Variants in ABCA2 observed in about 807,000 individuals in gnomAD.
ABCA2 encodes the protein ATP-binding cassette sub-family A member 2.
A neutral mutation model predicts 262.8 loss-of-function variants in ABCA2; 84 were observed. The observed-to-expected ratio is 0.32, with a 90% CI of 0.27 to 0.38. ABCA2 has a LOEUF of 0.38. ABCA2 is among the 10% of genes least tolerant of loss of function. The pLI, the probability that ABCA2 is intolerant of heterozygous loss-of-function variation, is 1.00. For synonymous variants in ABCA2, 1,696 were observed against 1,502.9 expected (o/e 1.13, Z -2.97); for missense variants, 2,662 against 3,405.9 (o/e 0.78, Z 5.44).
intron 1 of ABCA2, among the ~76,000 whole-genome samples, chr9:137,025,225 C>A (rs1831613707): frequency 6.6e-6 from 1 of 152,244 alleles, no homozygotes; most frequent in African/African-American, 2.4e-5. Flanking sequence ...GAAAGAGGTG[C>A]TTTGCTCACT....
rs376671094 is a variant in ABCA2 at position 137,014,897 on chromosome 9, C to A, written c.3882+16G>T. 4.4e-6 allele frequency: 7 copies of A among 1,578,152 alleles called. No individual in the cohort carries two copies. The highest frequency in any genetic ancestry group is 3.5e-5 in the South Asian group (3 of 86,396). On this transcript the variant is annotated intron_variant, in intron 25 of 48. Transcript: ENST00000341511. ...CCACCACCTGCAACTGCCCCCCGAC[C>A]CGTGCGCCCTCACACCTGGAAGAGG...
chr9:137,020,898 C>T lies in ABCA2; in HGVS notation c.1061G>A (p.Gly354Asp), dbSNP rs575117382. ...ALLLPQGACTGRTPGPPASGA... is the reference protein window; with the variant it reads ...ALLLPQGACTDRTPGPPASGA... ...ACTGGCTGGGGGTCCGGGGGTCCGG[C>T]CAGTGCAGGCACCCTGGGGCAGTAG... The change falls in exon 9 of 49, where the codon GGC becomes GAC. Residue 354 changes from glycine to aspartate, a missense_variant. Gly to Asp is a moderately conservative substitution (Grantham distance 94). This residue lies in a region of ABCA2 where 403 missense variants were observed against 375.9 expected (regional missense o/e 1.07). Transcript: ENST00000341511. The T allele has an allele frequency of 3.1e-5, 49 of 1,556,936 alleles. No individual in the cohort carries two copies. The Admixed American group carries it at 7.8e-4, about 25-fold the overall frequency.
At chr9:137,023,450 G>T in intron 3 of ABCA2, 1 of 715,896 alleles carries the variant, frequency 1.4e-6, no homozygotes, top group South Asian at 1.4e-5. Context: ...TGGCCAGCTG[G>T]TTAGCAGAGT....
chr9:137,014,572 C>A, intron 26 of ABCA2, 118 bp downstream of exon 26: 9 of 1,492,060 alleles, frequency 6.0e-6, no homozygotes, highest in Non-Finnish European at 8.1e-6. Flanking sequence ...CGGGGCGTCC[C>A]CTGGCTTCCA....
Position 137,013,471 on chromosome 9 carries a change from G to GGC in ABCA2, c.4538_4539dup (p.Arg1514AlafsTer18). On this transcript the variant is annotated frameshift_variant, in exon 29 of 49. Coordinates refer to ENST00000341511, the MANE Select transcript of ABCA2 (RefSeq NM_001606.5). LOFTEE classifies it high-confidence loss of function. ...CGCTGGAGGCCTCACCGGTACTCGCGGCGCTCCTCGTTGGCGTAGGGGATG... is the reference window on the plus strand; with the variant it reads ...CGCTGGAGGCCTCACCGGTACTCGCGGCGCGCTCCTCGTTGGCGTAGGGGATG... The GGC allele has an allele frequency of 6.2e-7, 1 of 1,606,148 alleles. No individual in the cohort carries two copies. Among genetic ancestry groups the GGC allele is most frequent in the Non-Finnish European group, 8.5e-7 (1 of 1,177,988 alleles).
intron 1 of ABCA2, 80 bp from the exon 2 acceptor site, chr9:137,024,316 C>T: frequency 7.9e-7 from 1 of 1,272,462 alleles, no homozygotes; most frequent in Non-Finnish European, 1.1e-6. Flanking sequence ...AGGGCTGGCC[C>T]AGCCCAGACA....
chr9:137,017,737 C>G, intron 16 of ABCA2, 45 bp from the exon 17 acceptor site: 1 of 1,608,412 alleles, frequency 6.2e-7, no homozygotes, highest in South Asian at 1.1e-5. Flanking sequence ...GGGAGGACGC[C>G]GCCCCTCCCT....
At position 137,022,856 on chromosome 9, in the gene ABCA2, C is replaced by T. The variant is rs1467554876; in HGVS notation, c.285G>A (p.Gln95=). ...CCACGCGGTCCAGGCGCTCAAGCAG[C>T]TGCGTGACCCTGCACCATGGCGGAT... ...FLQYANSTVT[Q]LLERLDRVVE... Residue 95 remains glutamine, a synonymous_variant, in exon 5 of 49, where the codon CAG becomes CAA. Coordinates refer to ENST00000341511, the MANE Select transcript of ABCA2 (RefSeq NM_001606.5). 7.2e-7 allele frequency: 1 copy of T among 1,381,136 alleles called. No homozygotes were observed. Among genetic ancestry groups the T allele is most frequent in the Non-Finnish European group, 9.6e-7 (1 of 1,039,108 alleles). 85.6% of individuals were successfully genotyped at this position (1,381,136 alleles called of 1,614,324 possible).
In ABCA2 at chr9:137,018,825, G is replaced by T. The variant is rs1209496870; in HGVS notation, c.1723-10C>A. 3 of 1,612,480 alleles carry T rather than the reference G, an allele frequency of 1.9e-6. No homozygotes were observed. The African/African-American group carries it at 4.0e-5, about 22-fold the overall frequency. On this transcript the variant is annotated splice_polypyrimidine_tract_variant and intron_variant, in intron 12 of 48. Coordinates refer to ENST00000341511, the MANE Select transcript of ABCA2 (RefSeq NM_001606.5). ...AGATGTCCACGCTCACCTAGCGGGA[G>T]GGGCATCGCTGGAGCCCGCCGTGGG...
At chr9:137,020,562 T>G (rs1199940215) in intron 9 of ABCA2, 67 bp from the exon 10 acceptor site, 2 of 1,543,836 alleles carry the variant, frequency 1.3e-6, no homozygotes, top group East Asian at 2.3e-5. Flanking sequence ...GGGAGGGGCA[T>G]CGGGATGGGG....
chr9:137,022,044 G>A lies in ABCA2; in HGVS notation c.568-43C>T, dbSNP rs559974546. ...ATGGCTCAGATGGGGTGTGGGGGGC[G>A]TGGCTCAGATGGTGGGGGCGTGGCT... On this transcript the variant is annotated intron_variant, in intron 6 of 48. Transcript: ENST00000341511. 150 of 1,392,206 alleles carry A rather than the reference G, an allele frequency of 1.1e-4. 2 individuals are homozygous for A. In the African/African-American group the frequency reaches 1.8e-3, roughly 17 times the overall value. 86.2% of individuals were successfully genotyped at this position (1,392,206 alleles called of 1,614,324 possible).
chr9:137,019,479 G>T lies in ABCA2; in HGVS notation c.1426-173C>A. ...TCTCAGTCACCCACGCTGGAGTGCA[G>T]TGGTGCAGTCCCAGCTCACTGCAGC... On this transcript the variant is annotated intron_variant, in intron 10 of 48. Transcript: ENST00000341511. This position sits in a 1 kb window ranked among gnomAD's most constrained non-coding sequence, Gnocchi z 4.4. 1 of 708,466 alleles carries T rather than the reference G, an allele frequency of 1.4e-6. No individual in the cohort carries two copies. The highest frequency in any genetic ancestry group is 2.2e-6 in the Non-Finnish European group (1 of 444,776). 43.9% of individuals were successfully genotyped at this position (708,466 alleles called of 1,614,324 possible). A position where few individuals can be genotyped will look rare whatever the true frequency, so the allele number is the denominator to read the frequency against.
rs1173217639 is a variant in ABCA2 at position 137,017,879 on chromosome 9, T to C, written c.2119A>G (p.Met707Val). The stretch of plus-strand genomic sequence containing the variant: ...GAGATCACCATGCACAGCGGCATCA[T>C]GTGCTCAATGACAAACAGGAAGCTG... Reference protein sequence around the residue: ...RDDFLFVIEHMMPLCMVISWV... With the variant: ...RDDFLFVIEHVMPLCMVISWV... The change falls in exon 16 of 49, where the codon ATG becomes GTG. Residue 707 changes from methionine to valine, a missense_variant. Physicochemically the swap from Met to Val is conservative, Grantham distance 21. Coordinates refer to ENST00000341511, the MANE Select transcript of ABCA2 (RefSeq NM_001606.5). The C allele has an allele frequency of 1.9e-6, 3 of 1,612,592 alleles. No homozygotes were observed. Among genetic ancestry groups the C allele is most frequent in the Admixed American group, 1.7e-5 (1 of 60,018 alleles).
At chr9:137,028,260 C>T (rs1165661911), upstream of ABCA2, 9 of 978,410 alleles carry the variant, frequency 9.2e-6, no homozygotes, top group Non-Finnish European at 9.7e-6. The surrounding 1 kb of genome is among the most constrained non-coding windows in gnomAD (Gnocchi z 6.9). Flanking sequence ...CTCGGGCGTC[C>T]GGGACCCGAT....
intron 15 of ABCA2, 36 bp from the exon 16 acceptor site, chr9:137,017,937 C>T: frequency 6.2e-7 from 1 of 1,611,892 alleles, no homozygotes; most frequent in Non-Finnish European, 8.5e-7. Flanking sequence ...CACTCAGCCC[C>T]AGCCCCAGCC....
rs1831438867 is a variant in ABCA2 at position 137,021,078 on chromosome 9, A to C, written c.898-17T>G. 1.4e-6 allele frequency: 2 copies of C among 1,469,728 alleles called. No individual in the cohort carries two copies. The highest frequency in any genetic ancestry group is 1.8e-6 in the Non-Finnish European group (2 of 1,110,046). The allele number at this position is 1,469,728 out of a possible 1,614,324, so 91.0% of individuals were successfully genotyped here. A position where few individuals can be genotyped will look rare whatever the true frequency, so the allele number is the denominator to read the frequency against. ...CAGGCCCAGCTGAGGGGAAACAGGC[A>C]CGTGGGCAGTGCGGGGTGAGATGGA... On this transcript the variant is annotated splice_polypyrimidine_tract_variant and intron_variant, in intron 8 of 48. Coordinates refer to ENST00000341511, the MANE Select transcript of ABCA2 (RefSeq NM_001606.5). The surrounding 1 kb of genome is among the most constrained non-coding windows in gnomAD (Gnocchi z 6.0).
At chr9:137,024,048 G>A (rs1831569033) in intron 2 of ABCA2, 95 bp downstream of exon 2, 1 of 1,515,718 alleles carries the variant, frequency 6.6e-7, no homozygotes. Flanking sequence ...GGGACTCCGG[G>A]AGCAGGACAC....
Position 137,023,847 on chromosome 9 carries a change from G to T in ABCA2, c.161-7C>A, listed in dbSNP as rs1327701524. 1 of 829,638 alleles carries T rather than the reference G, an allele frequency of 1.2e-6. No individual in the cohort carries two copies. The highest frequency in any genetic ancestry group is 1.7e-5 in the African/African-American group (1 of 60,370). The allele number at this position is 829,638 out of a possible 1,614,324, so 51.4% of individuals were successfully genotyped here. On this transcript the variant is annotated splice_polypyrimidine_tract_variant and splice_region_variant and intron_variant, in intron 2 of 48. Coordinates refer to ENST00000341511, the MANE Select transcript of ABCA2 (RefSeq NM_001606.5). ...GTGGCCGCTCACTTACAGACTGCATGCCAGCCGAGGACAAGAGACCATGCG... is the reference window on the plus strand; with the variant it reads ...GTGGCCGCTCACTTACAGACTGCATTCCAGCCGAGGACAAGAGACCATGCG...
rs1564226029 is a variant in ABCA2 at position 137,019,246 on chromosome 9, T to A, written c.1486A>T (p.Ile496Phe). 1 of 1,612,476 alleles carries A rather than the reference T, an allele frequency of 6.2e-7. No homozygotes were observed. The highest frequency in any genetic ancestry group is 8.5e-7 in the Non-Finnish European group (1 of 1,179,862). The change falls in exon 11 of 49, where the codon ATC (isoleucine) becomes TTC (phenylalanine). Residue 496 changes from isoleucine (I) to phenylalanine (F), a missense_variant. Around this residue, in one of 12 missense-constraint regions of ABCA2, gnomAD observed 92 missense variants for 146.7 expected, o/e 0.63. Coordinates refer to ENST00000341511, the MANE Select transcript of ABCA2 (RefSeq NM_001606.5). This position sits in a 1 kb window ranked among gnomAD's most constrained non-coding sequence, Gnocchi z 4.4. The part of the protein sequence containing the change: ...VTHYAQVWLN[I>F]SAEIRSFLEQ... Reference sequence around the variant, plus strand: ...AGGAAGCTGCGGATCTCCGCCGAGATGTTGAGCCAGACCTGGGCATAGTGA... The same window carrying A: ...AGGAAGCTGCGGATCTCCGCCGAGAAGTTGAGCCAGACCTGGGCATAGTGA...
Sources: allele counts gnomAD v4.1 joint callset (sites outside exome capture counted in the v4.1 genomes callset), GRCh38; gene constraint gnomAD v4.1.1; regional missense constraint gnomAD v4.1.1; non-coding constraint Gnocchi (gnomAD v3.1); transcripts MANE v1.5; gene names NCBI Gene and HGNC (gene_info 2026-07-23, HGNC 2026-07-21).